The following JAK2 variants were observed in gnomAD, a reference collection of about 807,000 sequenced individuals.
The protein encoded by JAK2 is tyrosine-protein kinase JAK2.
JAK2 carries 86 observed loss-of-function variants against 139.3 expected under a neutral mutation model. That is an observed-to-expected ratio of 0.62 (90% CI 0.52 to 0.74). JAK2 has a LOEUF of 0.74. Ranked by LOEUF, JAK2 falls within the 30% of genes least tolerant of loss-of-function variation. The probability of loss-of-function intolerance (pLI) is 0.00; values close to 1 mark genes in which losing one functional copy is unlikely to be tolerated. For missense variants in JAK2, 1,421 were observed against 1,360.3 expected (o/e 1.04, Z -0.70); for synonymous variants, 490 against 437.7 (o/e 1.12, Z -1.49).
Position 5,089,883 on chromosome 9 carries a change from C to G in JAK2, c.2761+20C>G, listed in dbSNP as rs762915560. On this transcript the variant is annotated intron_variant, in intron 20 of 24. Coordinates refer to ENST00000381652, the MANE Select transcript of JAK2 (RefSeq NM_004972.4). ...GTGCTGGTAAGCTGCCCATTGAAAC[C>G]TATTTTAAATTCAAGGTATGTGTTT... is the stretch of plus-strand genomic sequence containing the variant. 1 of 1,428,746 alleles carries G rather than the reference C, an allele frequency of 7.0e-7. No individual in the cohort carries two copies. Among genetic ancestry groups the G allele is most frequent in the South Asian group, 1.7e-5 (1 of 58,464 alleles). The allele number at this position is 1,428,746 out of a possible 1,614,324, so 88.5% of individuals were successfully genotyped here.
intron 2 of JAK2, among the ~76,000 whole-genome samples, chr9:5,012,402 C>T (rs1012007781): frequency 9.9e-5 from 15 of 152,066 alleles, no homozygotes; most frequent in African/African-American, 3.4e-4. Flanking sequence ...TAATTGTCGT[C>T]ATCAGGAACA....
chr9:5,097,607 C>G (rs1821105294), intron 22 of JAK2: 1 of 151,410 alleles, frequency 6.6e-6, no homozygotes, highest in South Asian at 2.1e-4. Flanking sequence ...GCTATGCCTA[C>G]TGGCATCAAG....
At chr9:5,039,152 G>A (rs1448518832) in intron 4 of JAK2, among the ~76,000 whole-genome samples, 1 of 152,008 alleles carries the variant, frequency 6.6e-6, no homozygotes, top group Non-Finnish European at 1.5e-5. Context: ...GTAGATTCAG[G>A]GTAGGGAAAT....
At chr9:5,104,670 G>A (rs935091076) in intron 22 of JAK2, among the ~76,000 whole-genome samples, 64 of 152,232 alleles carry the variant, frequency 4.2e-4, no homozygotes, top group African/African-American at 1.5e-3. Context: ...TAAAATACTG[G>A]CAAACCCAAT....
At chr9:5,085,326 C>G (rs1311795969) in intron 19 of JAK2, 1 of 804,484 alleles carries the variant, frequency 1.2e-6, no homozygotes, top group Admixed American at 1.7e-5. Context: ...CATCTATTAG[C>G]TGAAAAGCTA....
chr9:5,073,148 G>A (rs1819083358), intron 13 of JAK2, among the ~76,000 whole-genome samples: 1 of 152,170 alleles, frequency 6.6e-6, no homozygotes, highest in Non-Finnish European at 1.5e-5. Context: ...GATGTGAAAA[G>A]TTCAAGCCAA....
intron 4 of JAK2, among the ~76,000 whole-genome samples, chr9:5,038,286 G>T (rs1295504320): frequency 6.6e-6 from 1 of 152,104 alleles, no homozygotes; most frequent in Non-Finnish European, 1.5e-5. Flanking sequence ...GACAAATAAA[G>T]AAATCAAATT....
chr9:5,114,584 C>T, intron 22 of JAK2: 1 of 491,596 alleles, frequency 2.0e-6, no homozygotes, highest in South Asian at 1.6e-5. Context: ...GGCCCAAGGA[C>T]ATCTTGGTGC....
In JAK2 at chr9:5,035,107, C is replaced by T. The variant is rs926364255; in HGVS notation, c.350+5201C>T. Reference sequence around the variant, plus strand: ...CCATCAGAGAATACTATAAACACCTCTACATGAATAAACTAGAAAATCTAG... The same window carrying T: ...CCATCAGAGAATACTATAAACACCTTTACATGAATAAACTAGAAAATCTAG... On this transcript the variant is annotated intron_variant, in intron 4 of 24. Transcript: ENST00000381652. Among the ~76,000 whole-genome samples the T allele has an allele frequency of 5.3e-5, 8 of 152,332 alleles. No individual in the cohort carries two copies. The South Asian group carries it at 1.7e-3, about 32-fold the overall frequency.
At chr9:5,056,806 G>T (rs1166494121) in intron 8 of JAK2, among the ~76,000 whole-genome samples, 1 of 152,164 alleles carries the variant, frequency 6.6e-6, no homozygotes, top group Non-Finnish European at 1.5e-5. Context: ...GTAACCCAAA[G>T]AACTTCTCCA....
intron 4 of JAK2, chr9:5,041,486 G>C (rs149062930): frequency 1.7e-6 from 1 of 593,806 alleles, no homozygotes; most frequent in South Asian, 1.5e-5. Flanking sequence ...GATCATGAGC[G>C]GTACAGAAGA....
intron 2 of JAK2, among the ~76,000 whole-genome samples, chr9:5,006,520 A>G (rs1027394746): frequency 1.3e-5 from 2 of 152,316 alleles, no homozygotes; most frequent in East Asian, 3.9e-4. Flanking sequence ...AAGTTGTTTA[A>G]TTGACTCATG....
intron 19 of JAK2, among the ~76,000 whole-genome samples, chr9:5,087,504 A>G (rs771940344): frequency 6.6e-6 from 1 of 152,186 alleles, no homozygotes; most frequent in Non-Finnish European, 1.5e-5. Flanking sequence ...TCCTGGTCCT[A>G]TCTCAAACCC....
intron 22 of JAK2, among the ~76,000 whole-genome samples, chr9:5,095,366 A>G (rs531271878): frequency 1.4e-4 from 22 of 152,186 alleles, no homozygotes; most frequent in African/African-American, 4.3e-4. Context: ...TTGATTAAAA[A>G]AACAAATCTC....
chr9:5,101,298 T>TCCACC (rs1221152470), intron 22 of JAK2, among the ~76,000 whole-genome samples: 1 of 152,130 alleles, frequency 6.6e-6, no homozygotes, highest in East Asian at 1.9e-4. Flanking sequence ...CAGCCTAAGA[T>TCCACC]CCACCCGTGA....
chr9:5,115,303 TG>T (rs1221569303), intron 22 of JAK2, among the ~76,000 whole-genome samples: 1 of 151,986 alleles, frequency 6.6e-6, no homozygotes, highest in East Asian at 1.9e-4. Flanking sequence ...AACAAACATA[TG>T]AAAAAAAGCT....
At chr9:5,091,165 C>G in intron 22 of JAK2, 1 of 289,556 alleles carries the variant, frequency 3.5e-6, no homozygotes. Flanking sequence ...AAAACTGTCT[C>G]CTATTTATTG....
chr9:5,088,615 A>C (rs1380608629), intron 19 of JAK2, among the ~76,000 whole-genome samples: 4 of 152,234 alleles, frequency 2.6e-5, no homozygotes, highest in Admixed American at 1.3e-4. Context: ...CTGCTATAAC[A>C]AAATACCATA....
rs2130557053 is a variant in JAK2, at chr9:5,073,772, C to T, written c.1851C>T (p.Val617=). 1 of 1,605,746 alleles carries T rather than the reference C, an allele frequency of 6.2e-7. No homozygotes were observed. The highest frequency in any genetic ancestry group is 8.5e-7 in the Non-Finnish European group (1 of 1,173,188). ...TGGTTTTAAATTATGGAGTATGTGT[C>T]TGTGGAGACGAGAGTAAGTAAAACT... The part of the protein sequence containing the change: ...KHLVLNYGVC[V]CGDENILVQE... The change falls in exon 14 of 25, where the codon GTC becomes GTT. Residue 617 remains valine (V), a synonymous_variant. Coordinates refer to ENST00000381652, the MANE Select transcript of JAK2 (RefSeq NM_004972.4).
Sources: allele counts gnomAD v4.1 joint callset (sites outside exome capture counted in the v4.1 genomes callset), GRCh38; gene constraint gnomAD v4.1.1; transcripts MANE v1.5; gene names NCBI Gene and HGNC (gene_info 2026-07-23, HGNC 2026-07-21).